UGT2B4: variants seen among roughly 807,000 people sequenced by gnomAD.
The protein encoded by UGT2B4 is UDP glucuronosyltransferase family 2 member B4, also known as UDP-glucuronosyltransferase 2B4.
In UGT2B4, 49 loss-of-function variants were observed where a neutral mutation model predicts 49.8. The ratio of observed to expected loss-of-function variants is 0.98; its 90% confidence interval spans 0.78 to 1.25. UGT2B4 has a LOEUF of 1.25. Among genes scored for constraint, UGT2B4 ranks in the 50% most tolerant of loss-of-function variants. UGT2B4 has a pLI of 0.00. For synonymous variants in UGT2B4, 246 were observed against 217.7 expected, an observed-to-expected ratio of 1.13 and a Z score of -1.14; for missense variants, 729 against 627.7, an observed-to-expected ratio of 1.16 and a Z score of -1.73.
At chr4:69,501,830 A>T (rs1035067842) in intron 1 of UGT2B4, among the ~76,000 whole-genome samples, 1 of 152,170 alleles carries the variant, frequency 6.6e-6, no homozygotes, top group Non-Finnish European at 1.5e-5. Flanking sequence ...CAGCTGCTCT[A>T]TGAAAATGTG....
chr4:69,503,790 C>A (rs768852984), intron 1 of UGT2B4, among the ~76,000 whole-genome samples: 1 of 152,194 alleles, frequency 6.6e-6, no homozygotes, highest in African/African-American at 2.4e-5. Flanking sequence ...CTTCAGCCTT[C>A]GTGATGAGCA....
At chr4:69,497,765 A>C (rs1360947038), upstream of UGT2B4, among the ~76,000 whole-genome samples, 1 of 152,264 alleles carries the variant, frequency 6.6e-6, no homozygotes, top group Admixed American at 6.5e-5. Context: ...AAATTTACTT[A>C]ATAAAGCAGC....
intron 4 of UGT2B4, among the ~76,000 whole-genome samples, chr4:69,486,360 A>C (rs1727781095): frequency 6.6e-6 from 1 of 152,154 alleles, no homozygotes; most frequent in Non-Finnish European, 1.5e-5. Context: ...GTGCCAGAAA[A>C]ATTCTGTGGG....
chr4:69,494,775 G>A (rs570816894), intron 1 of UGT2B4, among the ~76,000 whole-genome samples: 4 of 152,200 alleles, frequency 2.6e-5, no homozygotes, highest in African/African-American at 9.6e-5. Flanking sequence ...TAAAAAATGT[G>A]TAACTACTCA....
chr4:69,503,830 A>C (rs1222662643), intron 1 of UGT2B4, among the ~76,000 whole-genome samples: 1 of 152,176 alleles, frequency 6.6e-6, no homozygotes, highest in Non-Finnish European at 1.5e-5. Context: ...CTCTGCATTC[A>C]CTAGCACTCT....
intron 5 of UGT2B4, 149 bp downstream of exon 5, chr4:69,485,059 C>T: frequency 4.3e-6 from 4 of 925,018 alleles, no homozygotes; most frequent in Admixed American, 3.3e-5. Context: ...TTTAAATAAC[C>T]ACTCAAAAAT....
chr4:69,507,244 A>G (rs969231148), intron 1 of UGT2B4, among the ~76,000 whole-genome samples: 3 of 152,196 alleles, frequency 2.0e-5, no homozygotes, highest in African/African-American at 7.2e-5. Flanking sequence ...GAGCGAAAGA[A>G]ATAAAGTGTA....
chr4:69,511,404 G>A (rs750205724), intron 1 of UGT2B4, among the ~76,000 whole-genome samples: 1 of 151,942 alleles, frequency 6.6e-6, no homozygotes, highest in African/African-American at 2.4e-5. Context: ...TGCATCTGCC[G>A]AGATGTTTGT....
rs565919331 is a variant in UGT2B4, at chr4:69,516,464, T to C, written c.-106+9223A>G. Among the ~76,000 whole-genome samples, 10 of 152,316 alleles carry C rather than the reference T, an allele frequency of 6.6e-5. No individual in the cohort carries two copies. In the East Asian group the frequency reaches 1.9e-3, roughly 29 times the overall value. On this transcript the variant is annotated intron_variant, in intron 1 of 1. Coordinates refer to the UGT2B4 transcript ENST00000510114. ...ATTCCCACCAGCAGTATAAAAGTGT[T>C]CCTTTTTCTCTGCACCCTTGCCAGC...
chr4:69,500,657 GAAAGAAAGA>G (rs1728293344), upstream of UGT2B4, among the ~76,000 whole-genome samples: 3 of 118,948 alleles, frequency 2.5e-5, no homozygotes, highest in African/African-American at 5.2e-5. Context: ...AAGAAAGAAA[GAAAGAAAGA>G]AAGGAAGGAA....
chr4:69,501,090 A>C (rs1486361266), intron 1 of UGT2B4, among the ~76,000 whole-genome samples: 1 of 152,112 alleles, frequency 6.6e-6, no homozygotes, highest in Non-Finnish European at 1.5e-5. Context: ...ACTGGCTTGG[A>C]ATTCCAGACA....
intron 5 of UGT2B4, among the ~76,000 whole-genome samples, chr4:69,483,275 A>G (rs1577878920): frequency 6.6e-6 from 1 of 152,068 alleles, no homozygotes; most frequent in Non-Finnish European, 1.5e-5. Flanking sequence ...CTGAATCTTG[A>G]TTTATGACCC....
chr4:69,492,236 G>C (rs1364199440), intron 2 of UGT2B4, among the ~76,000 whole-genome samples: 1 of 151,958 alleles, frequency 6.6e-6, no homozygotes, highest in African/African-American at 2.4e-5. Context: ...GCTTTACTGG[G>C]TTGCTTGTCT....
At chr4:69,495,970 C>T, upstream of UGT2B4, 1 of 1,470,500 alleles carries the variant, frequency 6.8e-7, no homozygotes. Context: ...TTTTACACTT[C>T]AAAGTAAATA....
At position 69,480,769 on chromosome 4, in the gene UGT2B4, G is replaced by C; in HGVS notation, c.1452C>G (p.Thr484=). 2 of 1,614,040 alleles carry C rather than the reference G, an allele frequency of 1.2e-6. No individual in the cohort carries two copies. The highest frequency in any genetic ancestry group is 1.3e-5 in the African/African-American group (1 of 75,038). Reference sequence around the variant, plus strand: ...CATCCAAAGAGTGGTACTGGAACCAGGTGAGGTCGTGGGCTGCAACCCGAA... The same window carrying C: ...CATCCAAAGAGTGGTACTGGAACCACGTGAGGTCGTGGGCTGCAACCCGAA... ...KHLRVAAHDL[T]WFQYHSLDVT... The change falls in exon 6 of 6, where the codon ACC becomes ACG. Residue 484 remains threonine, a synonymous_variant. Transcript: ENST00000305107.
intron 1 of UGT2B4, among the ~76,000 whole-genome samples, chr4:69,524,930 G>A (rs556371969): frequency 6.6e-5 from 10 of 152,206 alleles, no homozygotes; most frequent in East Asian, 5.8e-4. Context: ...TGTGGCTAAC[G>A]GAAAGAATTC....
At chr4:69,505,785 T>C (rs1310103126) in intron 1 of UGT2B4, among the ~76,000 whole-genome samples, 1 of 152,160 alleles carries the variant, frequency 6.6e-6, no homozygotes, top group East Asian at 1.9e-4. Context: ...CACAGGACAC[T>C]TTCTCTTTAA....
rs1727542488 is a variant in UGT2B4, at chr4:69,480,236, A to T, written c.*398T>A. On this transcript the variant is annotated 3_prime_UTR_variant, in exon 6 of 6. Coordinates refer to ENST00000305107, the MANE Select transcript of UGT2B4 (RefSeq NM_021139.3). The stretch of plus-strand genomic sequence containing the variant: ...ACAATCCTGCATGAAATGGATCCAA[A>T]GTATGCTGAGTATTTGCAAAACAGT... The T allele has an allele frequency of 6.0e-6, 1 of 167,586 alleles. No individual in the cohort carries two copies. The highest frequency in any genetic ancestry group is 1.3e-5 in the Non-Finnish European group (1 of 76,864). The allele number at this position is 167,586 out of a possible 1,614,324, so 10.4% of individuals were successfully genotyped here.
chr4:69,485,183 C>A (rs777002487), intron 5 of UGT2B4, 25 bp downstream of exon 5: 29 of 1,612,222 alleles, frequency 1.8e-5, no homozygotes, highest in Non-Finnish European at 2.5e-5. Flanking sequence ...TAAAGACCAC[C>A]GAGTAAAAAA....
Sources: allele counts gnomAD v4.1 joint callset (sites outside exome capture counted in the v4.1 genomes callset), GRCh38; gene constraint gnomAD v4.1.1; transcripts MANE v1.5; gene names NCBI Gene and HGNC (gene_info 2026-07-23, HGNC 2026-07-21).